FBXO42: variants seen among roughly 807,000 people sequenced by gnomAD.
FBXO42 encodes F-box only protein 42.
In FBXO42, 12 loss-of-function variants were observed where a neutral mutation model predicts 71.7. The observed-to-expected ratio is 0.17, with a 90% CI of 0.11 to 0.27. FBXO42 has a LOEUF of 0.27. FBXO42 is among the 10% of genes least tolerant of loss of function. The pLI is 1.00. For missense variants in FBXO42, 707 were observed against 911.9 expected, an observed-to-expected ratio of 0.78 and a Z score of 2.89; for synonymous variants, 325 against 327.5, an observed-to-expected ratio of 0.99 and a Z score of 0.08.
intron 4 of FBXO42, among the ~76,000 whole-genome samples, chr1:16,278,788 T>C (rs2100494580): frequency 6.6e-6 from 1 of 152,324 alleles, no homozygotes; most frequent in South Asian, 2.1e-4. Flanking sequence ...TCTTTTTTTT[T>C]GAGACGGAGT....
At chr1:16,319,948 G>A (rs2082398756) in intron 1 of FBXO42, among the ~76,000 whole-genome samples, 1 of 151,558 alleles carries the variant, frequency 6.6e-6, no homozygotes, top group African/African-American at 2.4e-5. Context: ...AAGGATCCTA[G>A]ATAGTTATGC....
At chr1:16,311,487 CAAAAAAAAAAA>C (rs138051911) in intron 2 of FBXO42, among the ~76,000 whole-genome samples, 75 of 110,772 alleles carry the variant, frequency 6.8e-4, no homozygotes, top group African/African-American at 2.4e-3. Flanking sequence ...GATCTTGTCT[CAAAAAAAAAAA>C]AAAAAATATA....
intron 1 of FBXO42, among the ~76,000 whole-genome samples, chr1:16,318,201 C>G (rs1221087231): frequency 6.6e-6 from 1 of 152,106 alleles, no homozygotes; most frequent in East Asian, 1.9e-4. Flanking sequence ...GGTGGATCAC[C>G]TGAGGTCAAG....
intron 6 of FBXO42, among the ~76,000 whole-genome samples, chr1:16,254,697 A>T (rs951782308): frequency 6.6e-5 from 10 of 152,246 alleles, no homozygotes; most frequent in African/African-American, 2.4e-4. Context: ...CTTGCTGCTG[A>T]CAGCTCATCA....
Position 16,256,595 on chromosome 1 carries a change from T to A in FBXO42, c.656+11A>T, listed in dbSNP as rs2100434838. ...TCTTCCAGATTTAAAGAGTTTATCT[T>A]TGTGACTTACCAATTTTTAGAGGGT... On this transcript the variant is annotated intron_variant, in intron 5 of 9. Transcript: ENST00000375592. 6.2e-7 allele frequency: 1 copy of A among 1,612,954 alleles called. No individual in the cohort carries two copies. Among genetic ancestry groups the A allele is most frequent in the African/African-American group, 1.3e-5 (1 of 75,034 alleles).
At chr1:16,292,021 C>A (rs2100526071) in intron 4 of FBXO42, among the ~76,000 whole-genome samples, 1 of 152,238 alleles carries the variant, frequency 6.6e-6, no homozygotes, top group South Asian at 2.1e-4. Context: ...TTTCAAAAAG[C>A]TCAGGTTTTC....
rs193069094 is a variant in FBXO42 at position 16,338,769 on chromosome 1, G to C, written c.-18+13486C>G. ...AGAACATAATACATTTTAACAAGAT[G>C]CTGTGATGGAATGGAACATTTTATT... On this transcript the variant is annotated intron_variant, in intron 1 of 9. Transcript: ENST00000375592. 2.1e-5 allele frequency among the ~76,000 whole-genome samples: 3 copies of C among 144,360 alleles called. No individual in the cohort carries two copies. In the East Asian group the frequency reaches 6.1e-4, roughly 29 times the overall value. 94.7% of individuals were successfully genotyped at this position (144,360 alleles called of 152,430 possible). A position where few individuals can be genotyped will look rare whatever the true frequency, so the allele number is the denominator to read the frequency against.
chr1:16,266,720 C>T (rs926246513), intron 4 of FBXO42, among the ~76,000 whole-genome samples: 4 of 152,140 alleles, frequency 2.6e-5, no homozygotes, highest in Non-Finnish European at 1.5e-5. Flanking sequence ...AAAGCTCTGA[C>T]TAAGCATCTG....
intron 2 of FBXO42, among the ~76,000 whole-genome samples, chr1:16,311,933 T>C (rs2082316999): frequency 6.6e-6 from 1 of 152,154 alleles, no homozygotes; most frequent in Admixed American, 6.6e-5. Context: ...ACACCAGCTT[T>C]ATTAATAATT....
At chr1:16,296,466 A>G (rs891917884) in intron 3 of FBXO42, among the ~76,000 whole-genome samples, 3 of 152,030 alleles carry the variant, frequency 2.0e-5, no homozygotes, top group Admixed American at 6.6e-5. Context: ...CCTGGCCAAC[A>G]TGGCAAAACC....
chr1:16,337,813 G>A (rs557346723), intron 1 of FBXO42, among the ~76,000 whole-genome samples: 44 of 139,214 alleles, frequency 3.2e-4, no homozygotes, highest in Non-Finnish European at 6.3e-4. Flanking sequence ...GAACCCAGGA[G>A]GCAGAGGTTG....
Position 16,248,571 on chromosome 1 carries a change from T to C in FBXO42, c.*2099A>G, listed in dbSNP as rs1349842484. ...ATATACTTTATATTTAGATAGGAAC[T>C]ACTGAGTTTGGAGGCACAGTCCATG... On this transcript the variant is annotated 3_prime_UTR_variant, in exon 10 of 10. Transcript: ENST00000375592. 1 of 152,216 alleles carries C rather than the reference T, an allele frequency of 6.6e-6. No homozygotes were observed. The highest frequency in any genetic ancestry group is 1.5e-5 in the Non-Finnish European group (1 of 68,048). The allele number at this position is 152,216 out of a possible 1,614,324, so 9.4% of individuals were successfully genotyped here. A position where few individuals can be genotyped will look rare whatever the true frequency, so the allele number is the denominator to read the frequency against.
intron 4 of FBXO42, among the ~76,000 whole-genome samples, chr1:16,287,915 T>C (rs966291798): frequency 6.6e-6 from 1 of 151,972 alleles, no homozygotes; most frequent in Non-Finnish European, 1.5e-5. Context: ...CTACTAAAAA[T>C]ACAACGTGAT....
At chr1:16,265,405 A>G (rs1016515320) in intron 4 of FBXO42, among the ~76,000 whole-genome samples, 6 of 152,144 alleles carry the variant, frequency 3.9e-5, no homozygotes, top group Non-Finnish European at 8.8e-5. Flanking sequence ...AAATATTTTT[A>G]TATCTCCATG....
At chr1:16,302,315 A>G (rs2082203768) in intron 3 of FBXO42, among the ~76,000 whole-genome samples, 1 of 152,190 alleles carries the variant, frequency 6.6e-6, no homozygotes, top group South Asian at 2.1e-4. Flanking sequence ...AGACTGAGGT[A>G]GTGTATTAGT....
intron 4 of FBXO42, among the ~76,000 whole-genome samples, chr1:16,281,215 G>T (rs908262610): frequency 1.3e-5 from 2 of 152,148 alleles, no homozygotes; most frequent in African/African-American, 4.8e-5. Flanking sequence ...GCCCGCCTCG[G>T]CCTCCCAAAG....
intron 4 of FBXO42, among the ~76,000 whole-genome samples, chr1:16,277,262 G>A (rs905012542): frequency 4.6e-5 from 7 of 152,110 alleles, no homozygotes; most frequent in Admixed American, 3.3e-4. Flanking sequence ...ACAAGATTTG[G>A]CATTCTCCTA....
At chr1:16,283,778 A>G (rs2081991888) in intron 4 of FBXO42, among the ~76,000 whole-genome samples, 1 of 151,978 alleles carries the variant, frequency 6.6e-6, no homozygotes, top group African/African-American at 2.4e-5. Flanking sequence ...TACAGGTGTG[A>G]GCCACCGTGC....
rs145318758 is a variant in FBXO42, at chr1:16,306,091, C to T, written c.251-172G>A. Among the ~76,000 whole-genome samples, 22 of 151,966 alleles carry T rather than the reference C, an allele frequency of 1.4e-4. No individual in the cohort carries two copies. The East Asian group carries it at 3.3e-3, about 23-fold the overall frequency. Reference sequence around the variant, plus strand: ...AGGTTGGAGTGCAGTGGCACGATCTCGGCCACTGCAACCTCTGCCTCCTGG... The same window carrying T: ...AGGTTGGAGTGCAGTGGCACGATCTTGGCCACTGCAACCTCTGCCTCCTGG... On this transcript the variant is annotated intron_variant, in intron 2 of 9. Transcript: ENST00000375592.
Sources: gnomAD v4.1 joint callset for allele counts (sites outside exome capture counted in the v4.1 genomes callset) on GRCh38, gnomAD v4.1.1 for gene constraint, MANE v1.5 for transcripts, NCBI Gene and HGNC (gene_info 2026-07-23, HGNC 2026-07-21) for gene names.